The following AP3M1 variants were observed in gnomAD, a reference collection of about 807,000 sequenced individuals.
AP3M1 encodes the protein AP-3 complex subunit mu-1.
AP3M1 carries 29 observed loss-of-function variants against 42.6 expected under a neutral mutation model. The ratio of observed to expected loss-of-function variants is 0.68; its 90% confidence interval spans 0.51 to 0.93. The LOEUF is 0.93. Ranked by LOEUF, AP3M1 falls within the 40% of genes least tolerant of loss-of-function variation. The probability of loss-of-function intolerance (pLI) is 0.00; values close to 1 mark genes in which losing one functional copy is unlikely to be tolerated. For synonymous variants in AP3M1, 178 were observed against 175.3 expected, an observed-to-expected ratio of 1.02 and a Z score of -0.12; for missense variants, 416 against 510.2, an observed-to-expected ratio of 0.82 and a Z score of 1.78.
intron 1 of AP3M1, chr10:74,138,702 G>A (rs1486533911): frequency 1.0e-5 from 2 of 192,322 alleles, no homozygotes; most frequent in South Asian, 9.5e-5. Flanking sequence ...AGGCTGAGGT[G>A]GGCGGATTGC....
Position 74,123,434 on chromosome 10 carries a change from T to C in AP3M1, c.*376A>G. On this transcript the variant is annotated 3_prime_UTR_variant, in exon 9 of 9. Transcript: ENST00000355264. Reference sequence around the variant, plus strand: ...AGAAGGTGTGATATTTGGCTGCACCTGACACATCACAGATTTAAGATAGCT... The same window carrying C: ...AGAAGGTGTGATATTTGGCTGCACCCGACACATCACAGATTTAAGATAGCT... The C allele has an allele frequency of 5.2e-6, 1 of 193,700 alleles. No homozygotes were observed. The highest frequency in any genetic ancestry group is 1.1e-5 in the Non-Finnish European group (1 of 94,686). The allele number at this position is 193,700 out of a possible 1,614,324, so 12.0% of individuals were successfully genotyped here.
intron 1 of AP3M1, among the ~76,000 whole-genome samples, chr10:74,142,732 A>G (rs1388411900): frequency 6.6e-6 from 1 of 152,090 alleles, no homozygotes; most frequent in Non-Finnish European, 1.5e-5. Flanking sequence ...TGTGTCTTAT[A>G]TTTCTGTCTG....
At chr10:74,147,958 T>C (rs574205863) in intron 1 of AP3M1, among the ~76,000 whole-genome samples, 13 of 151,960 alleles carry the variant, frequency 8.6e-5, no homozygotes, top group African/African-American at 2.2e-4. Context: ...GAGATTGCCA[T>C]TGCACTCCAG....
rs542363077 is a variant in AP3M1, at chr10:74,141,577, A to G, written c.-3-3195T>C. ...CCAGATGCAAAAGAATATACACAGT[A>G]TGATTCCATTTATATGAAGTTGTAG... On this transcript the variant is annotated intron_variant, in intron 1 of 8. Coordinates refer to ENST00000355264, the MANE Select transcript of AP3M1 (RefSeq NM_012095.6). 7.2e-5 allele frequency among the ~76,000 whole-genome samples: 11 copies of G among 152,366 alleles called. 1 individual carries two copies. The highest frequency in any genetic ancestry group is 5.9e-4 in the Admixed American group (9 of 15,300).
At chr10:74,144,743 A>G (rs1591766395) in intron 1 of AP3M1, among the ~76,000 whole-genome samples, 1 of 150,660 alleles carries the variant, frequency 6.6e-6, no homozygotes, top group South Asian at 2.1e-4. Flanking sequence ...TCTTACCACA[A>G]CCTCCGCCTG....
At chr10:74,134,318 C>T (rs967341632) in intron 3 of AP3M1, among the ~76,000 whole-genome samples, 154 bp from the exon 4 acceptor site, 1 of 152,202 alleles carries the variant, frequency 6.6e-6, no homozygotes, top group African/African-American at 2.4e-5. Flanking sequence ...TCCATACCAA[C>T]ATGATCAAAT....
chr10:74,135,799 C>A (rs1840923992), intron 3 of AP3M1, among the ~76,000 whole-genome samples: 1 of 152,148 alleles, frequency 6.6e-6, no homozygotes, highest in Non-Finnish European at 1.5e-5. Context: ...TACAGACACA[C>A]CATCTTATCT....
At chr10:74,133,622 C>T (rs560626271) in intron 4 of AP3M1, among the ~76,000 whole-genome samples, 7 of 151,388 alleles carry the variant, frequency 4.6e-5, no homozygotes, top group African/African-American at 1.5e-4. Context: ...GCCTTTCCAC[C>T]GAAACCATAC....
chr10:74,140,316 A>G (rs1841105186), intron 1 of AP3M1, among the ~76,000 whole-genome samples: 1 of 152,262 alleles, frequency 6.6e-6, no homozygotes, highest in Admixed American at 6.5e-5. Context: ...TGGTCGCCGT[A>G]GGTTAAACTC....
intron 1 of AP3M1, among the ~76,000 whole-genome samples, chr10:74,141,606 A>T (rs1230028507): frequency 1.3e-5 from 2 of 152,204 alleles, no homozygotes; most frequent in African/African-American, 4.8e-5. Flanking sequence ...GTTGTAGAAC[A>T]GGCAAAACTA....
intron 3 of AP3M1, 109 bp downstream of exon 3, chr10:74,136,519 TTTAA>T: frequency 1.2e-6 from 1 of 835,494 alleles, no homozygotes; most frequent in Non-Finnish European, 1.7e-6. Context: ...TACCAGTAAC[TTTAA>T]TTATGGCCAA....
intron 6 of AP3M1, among the ~76,000 whole-genome samples, chr10:74,126,958 G>A (rs1564543694): frequency 2.0e-5 from 2 of 100,220 alleles, no homozygotes; most frequent in East Asian, 3.3e-4. Context: ...GCAAAGGAGC[G>A]AGACGCCATC....
At chr10:74,126,093 A>G in intron 7 of AP3M1, 55 bp downstream of exon 7, 1 of 1,588,030 alleles carries the variant, frequency 6.3e-7, no homozygotes, top group Non-Finnish European at 8.6e-7. Context: ...CTCCCCACAA[A>G]TCACAAAATA....
In AP3M1 at chr10:74,130,079, A is replaced by T. The variant is rs140604506; in HGVS notation, c.584-87T>A. The T allele has an allele frequency of 5.5e-4, 537 of 977,312 alleles. 1 individual carries two copies. In the African/African-American group the frequency reaches 7.9e-3, roughly 14 times the overall value. 60.5% of individuals were successfully genotyped at this position (977,312 alleles called of 1,614,324 possible). ...TCACTGTATCTTTTTATTTTTATTT[A>T]TTGTTTTTAGAGACAGAGTCTTGCT... On this transcript the variant is annotated intron_variant, in intron 4 of 8. Transcript: ENST00000355264.
intron 3 of AP3M1, among the ~76,000 whole-genome samples, chr10:74,135,128 G>A (rs763996549): frequency 3.6e-4 from 55 of 152,056 alleles, no homozygotes; most frequent in Non-Finnish European, 6.3e-4. Context: ...GCTCAAAAAC[G>A]TTCAATGTTT....
At chr10:74,137,777 T>C (rs530087402) in intron 2 of AP3M1, among the ~76,000 whole-genome samples, 1 of 152,346 alleles carries the variant, frequency 6.6e-6, no homozygotes, top group Non-Finnish European at 1.5e-5. Flanking sequence ...TGTTATACTG[T>C]ATTGTTCAAG....
rs951443693 is a variant in AP3M1 at position 74,133,932 on chromosome 10, C to G, written c.583+95G>C. 1.6e-5 allele frequency: 24 copies of G among 1,489,538 alleles called. No individual in the cohort carries two copies. The Admixed American group carries it at 2.9e-4, about 18-fold the overall frequency. The allele number at this position is 1,489,538 out of a possible 1,614,324, so 92.3% of individuals were successfully genotyped here. ...CCTCCCAAAGGGCTGGGATTACAGGCGTGAGCCACCGCGCCCGGCCAGGAC... is the reference window on the plus strand; with the variant it reads ...CCTCCCAAAGGGCTGGGATTACAGGGGTGAGCCACCGCGCCCGGCCAGGAC... On this transcript the variant is annotated intron_variant, in intron 4 of 8. Coordinates refer to ENST00000355264, the MANE Select transcript of AP3M1 (RefSeq NM_012095.6).
chr10:74,133,075 A>AT (rs1200456021), intron 4 of AP3M1, among the ~76,000 whole-genome samples: 6 of 152,140 alleles, frequency 3.9e-5, no homozygotes, highest in African/African-American at 1.4e-4. Context: ...CAACATTGTG[A>AT]AACCCCGTCT....
At chr10:74,125,146 A>C (rs1840578347) in intron 7 of AP3M1, among the ~76,000 whole-genome samples, 1 of 152,098 alleles carries the variant, frequency 6.6e-6, no homozygotes, top group African/African-American at 2.4e-5. Flanking sequence ...TGCCCAGCTA[A>C]TTTTGTAGTT....
Sources: gnomAD v4.1 joint callset for allele counts (sites outside exome capture counted in the v4.1 genomes callset) on GRCh38, gnomAD v4.1.1 for gene constraint, MANE v1.5 for transcripts, NCBI Gene and HGNC (gene_info 2026-07-23, HGNC 2026-07-21) for gene names.